ANKRD52: variants seen among roughly 807,000 people sequenced by gnomAD.
ANKRD52 encodes the protein ankyrin repeat domain 52.
Under a neutral mutation model 116.0 loss-of-function variants are expected in ANKRD52, and 7 were observed. The ratio of observed to expected loss-of-function variants is 0.06; its 90% CI spans 0.03 to 0.11. ANKRD52 has a LOEUF of 0.11. Ranked by LOEUF, ANKRD52 falls within the 10% of genes least tolerant of loss-of-function variation. The pLI is 1.00. For synonymous variants in ANKRD52, 528 were observed against 578.1 expected (o/e 0.91, Z 1.24); for missense variants, 839 against 1,408.6 (o/e 0.60, Z 6.47).
Position 56,247,483 on chromosome 12 carries a change from G to A in ANKRD52, c.2184+10C>T. The A allele has an allele frequency of 6.4e-7, 1 of 1,559,624 alleles. No homozygotes were observed. Among genetic ancestry groups the A allele is most frequent in the Non-Finnish European group, 8.7e-7 (1 of 1,150,970 alleles). Reference sequence around the variant, plus strand: ...CATGTGCAAACAATCCCCCCTAGAAGCTCACTCACCCCGCGGTGGAGGGCA... The same window carrying A: ...CATGTGCAAACAATCCCCCCTAGAAACTCACTCACCCCGCGGTGGAGGGCA... On this transcript the variant is annotated intron_variant, in intron 20 of 27. Coordinates refer to ENST00000267116, the MANE Select transcript of ANKRD52 (RefSeq NM_173595.4).
chr12:56,255,894 G>A lies in ANKRD52; in HGVS notation c.352C>T (p.Arg118Trp), dbSNP rs914481646. Reference sequence around the variant, plus strand: ...AGAGCCTCAGCACACTTGGTGGCCCGGTTGGCAGCAGCCACATGCAGTGGT... The same window carrying A: ...AGAGCCTCAGCACACTTGGTGGCCCAGTTGGCAGCAGCCACATGCAGTGGT... ...QTPLHVAAANRATKCAEALAP... is the reference protein window; with the variant it reads ...QTPLHVAAANWATKCAEALAP... Residue 118 changes from arginine (R) to tryptophan (W), a missense_variant, in exon 5 of 28, where the codon CGG becomes TGG. Physicochemically the swap from Arg to Trp is moderately radical, Grantham distance 101. Coordinates refer to ENST00000267116, the MANE Select transcript of ANKRD52 (RefSeq NM_173595.4). The surrounding 1 kb of genome is among the most constrained non-coding windows in gnomAD (Gnocchi z 4.3). 1.3e-6 allele frequency: 2 copies of A among 1,572,628 alleles called. No homozygotes were observed. The highest frequency in any genetic ancestry group is 1.7e-6 in the Non-Finnish European group (2 of 1,158,500).
chr12:56,246,813 G>A (rs1014094234), intron 20 of ANKRD52, among the ~76,000 whole-genome samples: 15 of 151,346 alleles, frequency 9.9e-5, no homozygotes, highest in Non-Finnish European at 2.2e-4. Flanking sequence ...CCAGCTACTC[G>A]GGAGGCTGAG....
intron 2 of ANKRD52, 126 bp downstream of exon 2, chr12:56,257,702 C>G (rs1022954113): frequency 4.2e-6 from 4 of 944,526 alleles, no homozygotes; most frequent in Non-Finnish European, 6.6e-6. Context: ...GGCTTTCACT[C>G]CAGGATGGAA....
rs1312110212 is a variant in ANKRD52, at chr12:56,238,749, C to G, written c.*4393G>C. ...TCAAGCCAGAACCCACCCCCACCCC[C>G]CAAACACACATACAAAGCTGAGCTA... On this transcript the variant is annotated 3_prime_UTR_variant, in exon 28 of 28. Coordinates refer to ENST00000267116, the MANE Select transcript of ANKRD52 (RefSeq NM_173595.4). The G allele has an allele frequency of 1.3e-5, 2 of 152,572 alleles. No individual in the cohort carries two copies. Among genetic ancestry groups the G allele is most frequent in the Admixed American group, 6.5e-5 (1 of 15,280 alleles). 9.5% of individuals were successfully genotyped at this position (152,572 alleles called of 1,614,324 possible).
chr12:56,254,811 G>A lies in ANKRD52; in HGVS notation c.550+54C>T, dbSNP rs1871868850. On this transcript the variant is annotated intron_variant, in intron 6 of 27. Coordinates refer to ENST00000267116, the MANE Select transcript of ANKRD52 (RefSeq NM_173595.4). The surrounding 1 kb of genome is among the most constrained non-coding windows in gnomAD (Gnocchi z 4.6). ...TCAAAGGCTGCAACCCCACATCCCTGCCCTAGGAATCCTAAATGTCAAATT... is the reference window on the plus strand; with the variant it reads ...TCAAAGGCTGCAACCCCACATCCCTACCCTAGGAATCCTAAATGTCAAATT... 6 of 1,602,966 alleles carry A rather than the reference G, an allele frequency of 3.7e-6. No homozygotes were observed. Among genetic ancestry groups the A allele is most frequent in the East Asian group, 2.2e-5 (1 of 44,556 alleles).
Position 56,252,702 on chromosome 12 carries a change from C to A in ANKRD52, c.1301+78G>T, listed in dbSNP as rs1871761366. The A allele has an allele frequency of 6.4e-7, 1 of 1,550,508 alleles. No individual in the cohort carries two copies. Among genetic ancestry groups the A allele is most frequent in the Non-Finnish European group, 8.9e-7 (1 of 1,126,020 alleles). ...TTTCATTGTGAGAGGGGGAATAGAT[C>A]TGGGCAGGCAAGAATGAGGGGCCCA... is the stretch of plus-strand genomic sequence containing the variant. On this transcript the variant is annotated intron_variant, in intron 12 of 27. Transcript: ENST00000267116. The surrounding 1 kb of genome is among the most constrained non-coding windows in gnomAD (Gnocchi z 4.7).
Position 56,254,799 on chromosome 12 carries a change from C to T in ANKRD52, c.550+66G>A. 3.1e-6 allele frequency: 5 copies of T among 1,600,974 alleles called. No individual in the cohort carries two copies. Among genetic ancestry groups the T allele is most frequent in the Non-Finnish European group, 4.3e-6 (5 of 1,168,750 alleles). On this transcript the variant is annotated intron_variant, in intron 6 of 27. Transcript: ENST00000267116. This position sits in a 1 kb window ranked among gnomAD's most constrained non-coding sequence, Gnocchi z 4.6. Reference sequence around the variant, plus strand: ...ACACTCCTCTCTTCAAAGGCTGCAACCCCACATCCCTGCCCTAGGAATCCT... The same window carrying T: ...ACACTCCTCTCTTCAAAGGCTGCAATCCCACATCCCTGCCCTAGGAATCCT...
At position 56,252,044 on chromosome 12, in the gene ANKRD52, C is replaced by G; in HGVS notation, c.1563G>C (p.Leu521=). Residue 521 remains leucine, a synonymous_variant, in exon 15 of 28, where the codon CTG becomes CTC. Transcript: ENST00000267116. This position sits in a 1 kb window ranked among gnomAD's most constrained non-coding sequence, Gnocchi z 4.7. ...AGGCCTCCTTCCTGCGGGACTCCTTCAGTGGCTCGTCCTCTTCGGCATCAT... is the reference window on the plus strand; with the variant it reads ...AGGCCTCCTTCCTGCGGGACTCCTTGAGTGGCTCGTCCTCTTCGGCATCAT... The part of the protein sequence containing the change: ...SSHDAEEDEP[L]KESRRKEAFF... 1.2e-6 allele frequency: 2 copies of G among 1,613,948 alleles called. No homozygotes were observed. The highest frequency in any genetic ancestry group is 3.3e-5 in the Admixed American group (2 of 60,018).
Position 56,245,113 on chromosome 12 carries a change from G to A in ANKRD52, c.2482C>T (p.His828Tyr). The A allele has an allele frequency of 6.2e-7, 1 of 1,614,018 alleles. No individual in the cohort carries two copies. ...YLEGNPFTPL[H>Y]CAVINNQDST... ...GCAGAAGGGACTTACACTGCACAGTGCAAAGGAGTGAAGGGGTTTCCTTCC... is the reference window on the plus strand; with the variant it reads ...GCAGAAGGGACTTACACTGCACAGTACAAAGGAGTGAAGGGGTTTCCTTCC... Residue 828 changes from histidine to tyrosine, a missense_variant, in exon 22 of 28, where the codon CAC (histidine) becomes TAC (tyrosine). This residue lies in a region of ANKRD52 where 552 missense variants were observed against 810.6 expected (regional missense o/e 0.68). Coordinates refer to ENST00000267116, the MANE Select transcript of ANKRD52 (RefSeq NM_173595.4).
At position 56,255,259 on chromosome 12, in the gene ANKRD52, C is replaced by T. The variant is rs974195077; in HGVS notation, c.463-307G>A. Among the ~76,000 whole-genome samples, 7 of 147,172 alleles carry T rather than the reference C, an allele frequency of 4.8e-5. No homozygotes were observed. Among genetic ancestry groups the T allele is most frequent in the African/African-American group, 1.5e-4 (6 of 39,610 alleles). ...AGGCTGGAGTTCAGTGGCATGATTT[C>T]GGCTCATTGCAAGCTCCGCCTCCCG... On this transcript the variant is annotated intron_variant, in intron 5 of 27. Transcript: ENST00000267116. This position sits in a 1 kb window ranked among gnomAD's most constrained non-coding sequence, Gnocchi z 4.3.
chr12:56,246,096 C>A (rs1871388077), intron 20 of ANKRD52, among the ~76,000 whole-genome samples: 1 of 151,910 alleles, frequency 6.6e-6, no homozygotes, highest in African/African-American at 2.4e-5. Context: ...ATGGTGCGAT[C>A]TTGGCTCACT....
Position 56,243,406 on chromosome 12 carries a change from G to T in ANKRD52, c.2981-14C>A. 1 of 1,612,564 alleles carries T rather than the reference G, an allele frequency of 6.2e-7. No individual in the cohort carries two copies. Among genetic ancestry groups the T allele is most frequent in the Non-Finnish European group, 8.5e-7 (1 of 1,179,246 alleles). On this transcript the variant is annotated splice_polypyrimidine_tract_variant and intron_variant, in intron 27 of 27. Transcript: ENST00000267116. This position sits in a 1 kb window ranked among gnomAD's most constrained non-coding sequence, Gnocchi z 4.6. The stretch of plus-strand genomic sequence containing the variant: ...CTGGGGTGTGACCTGCAGGGCCAAG[G>T]GGGAGAACTGAGGCATAGAGTCCTG...
Position 56,258,343 on chromosome 12 carries a change from C to T in ANKRD52, c.-74G>A, listed in dbSNP as rs1872067827. 10 of 1,401,884 alleles carry T rather than the reference C, an allele frequency of 7.1e-6. No homozygotes were observed. The highest frequency in any genetic ancestry group is 9.3e-6 in the Non-Finnish European group (10 of 1,077,866). 86.8% of individuals were successfully genotyped at this position (1,401,884 alleles called of 1,614,324 possible). On this transcript the variant is annotated 5_prime_UTR_variant, in exon 1 of 28. Coordinates refer to ENST00000267116, the MANE Select transcript of ANKRD52 (RefSeq NM_173595.4). ...CGGCTCCACCGGGGACACGGAGCGG[C>T]CCAGGCGGCGGCTGCGGTGGCGGCT...
chr12:56,243,760 G>C lies in ANKRD52; in HGVS notation c.2980+25C>G, dbSNP rs1871270863. On this transcript the variant is annotated intron_variant, in intron 27 of 27. Transcript: ENST00000267116. This position sits in a 1 kb window ranked among gnomAD's most constrained non-coding sequence, Gnocchi z 4.6. ...GTCCCTGACCCCAAACCCAAGAGAG[G>C]CATGGGGCCCCAGACCCCACCCACC... 2 of 1,550,510 alleles carry C rather than the reference G, an allele frequency of 1.3e-6. No individual in the cohort carries two copies. Among genetic ancestry groups the C allele is most frequent in the African/African-American group, 2.7e-5 (2 of 73,090 alleles).
Position 56,255,746 on chromosome 12 carries a change from G to A in ANKRD52, c.462+38C>T. 6.6e-7 allele frequency: 1 copy of A among 1,521,008 alleles called. No individual in the cohort carries two copies. Among genetic ancestry groups the A allele is most frequent in the Non-Finnish European group, 8.9e-7 (1 of 1,122,272 alleles). The allele number at this position is 1,521,008 out of a possible 1,614,324, so 94.2% of individuals were successfully genotyped here. ...ACGTGAGTAGGAAGGTAAGAAAAGG[G>A]AAAGCCCCAGCTGGGCCTGGATGGG... On this transcript the variant is annotated intron_variant, in intron 5 of 27. Transcript: ENST00000267116. This position sits in a 1 kb window ranked among gnomAD's most constrained non-coding sequence, Gnocchi z 4.3.
intron 20 of ANKRD52, among the ~76,000 whole-genome samples, chr12:56,246,085 A>G (rs1380417495): frequency 1.3e-5 from 2 of 150,984 alleles, no homozygotes; most frequent in Non-Finnish European, 2.9e-5. Flanking sequence ...GCTGGAGTGC[A>G]ATGGTGCGAT....
In ANKRD52 at chr12:56,242,440, G is replaced by A; in HGVS notation, c.*702C>T. On this transcript the variant is annotated 3_prime_UTR_variant, in exon 28 of 28. Coordinates refer to ENST00000267116, the MANE Select transcript of ANKRD52 (RefSeq NM_173595.4). The surrounding 1 kb of genome is among the most constrained non-coding windows in gnomAD (Gnocchi z 4.3). ...GGAGGGAATGGGGAGGGGGCAGGCT[G>A]TGGGGGCAGAACCAGCCCTTGATTT... 2.9e-6 allele frequency: 1 copy of A among 348,310 alleles called. No homozygotes were observed. The highest frequency in any genetic ancestry group is 5.1e-6 in the Non-Finnish European group (1 of 194,290). The allele number at this position is 348,310 out of a possible 1,614,324, so 21.6% of individuals were successfully genotyped here. A position where few individuals can be genotyped will look rare whatever the true frequency, so the allele number is the denominator to read the frequency against.
Position 56,251,959 on chromosome 12 carries a change from C to T in ANKRD52, c.1592+56G>A, listed in dbSNP as rs1258994273. 3.2e-6 allele frequency: 5 copies of T among 1,571,366 alleles called. No individual in the cohort carries two copies. The African/African-American group carries it at 6.8e-5, about 21-fold the overall frequency. The stretch of plus-strand genomic sequence containing the variant: ...CAGATTAGGTAGGAGGACAGTAGGG[C>T]CAGAGCTTGCATGGGTTGGGGAAAG... On this transcript the variant is annotated intron_variant, in intron 15 of 27. Coordinates refer to ENST00000267116, the MANE Select transcript of ANKRD52 (RefSeq NM_173595.4).
In ANKRD52 at chr12:56,238,361, C is replaced by T; in HGVS notation, c.*4781G>A. On this transcript the variant is annotated 3_prime_UTR_variant, in exon 28 of 28. Transcript: ENST00000267116. ...GGTGTCTGCAGCATCACAGGTCATGCAGGGCATGGGGAAGGGGAGGTTCAC... is the reference window on the plus strand; with the variant it reads ...GGTGTCTGCAGCATCACAGGTCATGTAGGGCATGGGGAAGGGGAGGTTCAC... 1 of 152,826 alleles carries T rather than the reference C, an allele frequency of 6.5e-6. No homozygotes were observed. The highest frequency in any genetic ancestry group is 1.5e-5 in the Non-Finnish European group (1 of 68,486). 9.5% of individuals were successfully genotyped at this position (152,826 alleles called of 1,614,324 possible).
Sources: allele counts gnomAD v4.1 joint callset (sites outside exome capture counted in the v4.1 genomes callset), GRCh38; gene constraint gnomAD v4.1.1; regional missense constraint gnomAD v4.1.1; non-coding constraint Gnocchi (gnomAD v3.1); transcripts MANE v1.5; gene names NCBI Gene and HGNC (gene_info 2026-07-23, HGNC 2026-07-21).